UQCRB: variants seen among roughly 807,000 people sequenced by gnomAD.
UQCRB encodes the protein cytochrome b-c1 complex subunit 7.
A neutral mutation model predicts 19.8 loss-of-function variants in UQCRB; 12 were observed. The ratio of observed to expected loss-of-function variants is 0.61; its 90% confidence interval spans 0.39 to 0.98. The LOEUF is 0.98. Among genes scored for constraint, UQCRB ranks in the 50% least tolerant of loss-of-function variants. The pLI, the probability that UQCRB is intolerant of heterozygous loss-of-function variation, is 0.00. For missense variants in UQCRB, 142 were observed against 131.8 expected, an observed-to-expected ratio of 1.08 and a Z score of -0.38; for synonymous variants, 39 against 42.9, an observed-to-expected ratio of 0.91 and a Z score of 0.35.
At chr8:96,232,900 A>C (rs1456452202) in intron 2 of UQCRB, 1 of 393,092 alleles carries the variant, frequency 2.5e-6, no homozygotes, top group Non-Finnish European at 4.5e-6. Context: ...TGTAGAAGGA[A>C]AATGTCTTAC....
In UQCRB at chr8:96,227,581, C is replaced by A. The variant is rs1809554368; in HGVS notation, c.*3474G>T. On this transcript the variant is annotated 3_prime_UTR_variant, in exon 4 of 4. Coordinates refer to ENST00000287022, the MANE Select transcript of UQCRB (RefSeq NM_006294.5). ...ACCCATCTGCTCTTCATCCATCAAG[C>A]TGTCAAGGATTTGGTTATGACAATC... is the stretch of plus-strand genomic sequence containing the variant. The A allele has an allele frequency of 2.2e-6, 1 of 454,028 alleles. No individual in the cohort carries two copies. Among genetic ancestry groups the A allele is most frequent in the African/African-American group, 2.0e-5 (1 of 50,022 alleles). The allele number at this position is 454,028 out of a possible 1,614,324, so 28.1% of individuals were successfully genotyped here. A position where few individuals can be genotyped will look rare whatever the true frequency, so the allele number is the denominator to read the frequency against.
In UQCRB at chr8:96,228,482, A is replaced by T; in HGVS notation, c.*2573T>A. 1 of 454,112 alleles carries T rather than the reference A, an allele frequency of 2.2e-6. No individual in the cohort carries two copies. The highest frequency in any genetic ancestry group is 4.4e-6 in the Non-Finnish European group (1 of 226,794). The allele number at this position is 454,112 out of a possible 1,614,324, so 28.1% of individuals were successfully genotyped here. A position where few individuals can be genotyped will look rare whatever the true frequency, so the allele number is the denominator to read the frequency against. ...CAAGGGGAGTAGATGAACCAGAAAC[A>T]AGAGTGCCACATAGAAGGAAGAGAG... is the stretch of plus-strand genomic sequence containing the variant. On this transcript the variant is annotated 3_prime_UTR_variant, in exon 4 of 4. Transcript: ENST00000287022.
chr8:96,227,542 C>T lies in UQCRB; in HGVS notation c.*3513G>A, dbSNP rs1409239470. Reference sequence around the variant, plus strand: ...GTCCCTCCTAAAATCCATGCTTCCTCCCATACACCATAAACCCATCTGCTC... The same window carrying T: ...GTCCCTCCTAAAATCCATGCTTCCTTCCATACACCATAAACCCATCTGCTC... On this transcript the variant is annotated 3_prime_UTR_variant, in exon 4 of 4. Transcript: ENST00000287022. 2.2e-6 allele frequency: 1 copy of T among 454,028 alleles called. No homozygotes were observed. The highest frequency in any genetic ancestry group is 4.4e-6 in the Non-Finnish European group (1 of 226,794). 28.1% of individuals were successfully genotyped at this position (454,028 alleles called of 1,614,324 possible).
intron 1 of UQCRB, 26 bp from the exon 2 acceptor site, chr8:96,233,253 C>T (rs536955685): frequency 1.2e-5 from 20 of 1,609,274 alleles, no homozygotes; most frequent in Non-Finnish European, 1.6e-5. Flanking sequence ...CTGTTAATTG[C>T]TACAATTTAA....
rs1314159851 is a variant in UQCRB, at chr8:96,224,658, T to C, written c.*6397A>G. On this transcript the variant is annotated 3_prime_UTR_variant, in exon 4 of 4. Coordinates refer to ENST00000287022, the MANE Select transcript of UQCRB (RefSeq NM_006294.5). ...TTTACCCTTCCTCACATCCACCTCT[T>C]ACACATCTAACTGATATCCAGTCAG... 6.6e-6 allele frequency among the ~76,000 whole-genome samples: 1 copy of C among 152,150 alleles called. No homozygotes were observed. Among genetic ancestry groups the C allele is most frequent in the Admixed American group, 6.5e-5 (1 of 15,278 alleles).
rs575404879 is a variant in UQCRB, at chr8:96,229,632, T to C, written c.*1423A>G. ...ATCTTCTTGGCCTCCTTCTGCAAAG[T>C]AGGACTACATTAAAACCTTGTCACA... On this transcript the variant is annotated 3_prime_UTR_variant, in exon 4 of 4. Transcript: ENST00000287022. 4.3e-4 allele frequency: 197 copies of C among 454,100 alleles called. 1 individual carries two copies. The highest frequency in any genetic ancestry group is 3.8e-3 in the African/African-American group (191 of 50,112). The allele number at this position is 454,100 out of a possible 1,614,324, so 28.1% of individuals were successfully genotyped here.
intron 2 of UQCRB, chr8:96,232,146 T>A: frequency 1.7e-6 from 1 of 587,670 alleles, no homozygotes. Flanking sequence ...AAGTAATGAG[T>A]TATTACTTGA....
chr8:96,234,964 C>T (rs1276779154), intron 1 of UQCRB: 2 of 218,906 alleles, frequency 9.1e-6, no homozygotes, highest in Non-Finnish European at 1.9e-5. Context: ...GCTCGTATCC[C>T]TTGCTCAACT....
chr8:96,231,163 C>T (rs768886518), intron 3 of UQCRB, 31 bp from the exon 4 acceptor site: 24 of 1,613,940 alleles, frequency 1.5e-5, no homozygotes, highest in Non-Finnish European at 1.9e-5. Flanking sequence ...TATATGTTAC[C>T]ATCACGTACT....
In UQCRB at chr8:96,225,498, C is replaced by T. The variant is rs966353947; in HGVS notation, c.*5557G>A. ...ACTCTGCTGCTCACAGGATGAAGTCCAGGCATCTCAATATGGCGTACACCT... is the reference window on the plus strand; with the variant it reads ...ACTCTGCTGCTCACAGGATGAAGTCTAGGCATCTCAATATGGCGTACACCT... On this transcript the variant is annotated 3_prime_UTR_variant, in exon 4 of 4. Transcript: ENST00000287022. Among the ~76,000 whole-genome samples, 4 of 152,146 alleles carry T rather than the reference C, an allele frequency of 2.6e-5. No individual in the cohort carries two copies. Among genetic ancestry groups the T allele is most frequent in the African/African-American group, 9.7e-5 (4 of 41,440 alleles).
At chr8:96,233,100 A>C (rs1347345352) in intron 2 of UQCRB, 56 bp downstream of exon 2, 2 of 1,572,920 alleles carry the variant, frequency 1.3e-6, no homozygotes, top group Non-Finnish European at 1.7e-6. Context: ...AAAACAAAAA[A>C]AAAAACAAAG....
Position 96,233,137 on chromosome 8 carries a change from A to G in UQCRB, c.91+19T>C, listed in dbSNP as rs1380721964. On this transcript the variant is annotated intron_variant, in intron 2 of 3. Coordinates refer to ENST00000287022, the MANE Select transcript of UQCRB (RefSeq NM_006294.5). ...AACAACAACAACAACAAAAAACATTAAACAGCACAGCTGCTTACCCAGTTT... is the reference window on the plus strand; with the variant it reads ...AACAACAACAACAACAAAAAACATTGAACAGCACAGCTGCTTACCCAGTTT... 1.9e-6 allele frequency: 3 copies of G among 1,609,952 alleles called. No homozygotes were observed. In the South Asian group the frequency reaches 3.3e-5, roughly 18 times the overall value.
At position 96,223,649 on chromosome 8, in the gene UQCRB, C is replaced by G. The variant is rs997205470; in HGVS notation, c.*7406G>C. On this transcript the variant is annotated 3_prime_UTR_variant, in exon 4 of 4. Coordinates refer to ENST00000287022, the MANE Select transcript of UQCRB (RefSeq NM_006294.5). Reference sequence around the variant, plus strand: ...TCTTAAAGTAAAGCTAGAATTTAGACAGAGTATGGTGAGGATTGCAAGTGC... The same window carrying G: ...TCTTAAAGTAAAGCTAGAATTTAGAGAGAGTATGGTGAGGATTGCAAGTGC... Among the ~76,000 whole-genome samples, 806 of 151,922 alleles carry G rather than the reference C, an allele frequency of 5.3e-3. 6 individuals carry two copies. The highest frequency in any genetic ancestry group is 0.018 in the African/African-American group (748 of 41,424).
rs1348215297 is a variant in UQCRB at position 96,227,470 on chromosome 8, A to G, written c.*3585T>C. The G allele has an allele frequency of 2.2e-6, 1 of 454,100 alleles. No homozygotes were observed. Among genetic ancestry groups the G allele is most frequent in the Admixed American group, 2.3e-5 (1 of 42,572 alleles). 28.1% of individuals were successfully genotyped at this position (454,100 alleles called of 1,614,324 possible). A position where few individuals can be genotyped will look rare whatever the true frequency, so the allele number is the denominator to read the frequency against. On this transcript the variant is annotated 3_prime_UTR_variant, in exon 4 of 4. Coordinates refer to ENST00000287022, the MANE Select transcript of UQCRB (RefSeq NM_006294.5). ...ATAAAGGGATTTTCCTTGTTTTCCA[A>G]AGAGCAACCTGTCTTACTCACTTTC...
At position 96,231,921 on chromosome 8, in the gene UQCRB, T is replaced by G. The variant is rs1809686891; in HGVS notation, c.111A>C (p.Thr37=). Residue 37 remains threonine (T), a synonymous_variant, in exon 3 of 4, where the codon ACA becomes ACC. Coordinates refer to ENST00000287022, the MANE Select transcript of UQCRB (RefSeq NM_006294.5). ...CTTTTACATCTTCATCCTCGTATAT[T>G]GTATCATCTCGCATTAACCCTATGA... ...FNKLGLMRDD[T]IYEDEDVKEA... 6.2e-7 allele frequency: 1 copy of G among 1,613,448 alleles called. No homozygotes were observed. The highest frequency in any genetic ancestry group is 1.1e-5 in the South Asian group (1 of 91,094).
At chr8:96,231,592 T>A (rs1364410263) in intron 3 of UQCRB, 182 bp downstream of exon 3, 1 of 1,340,104 alleles carries the variant, frequency 7.5e-7, no homozygotes, top group South Asian at 1.2e-5. Context: ...GAAGAATCAT[T>A]TCACACGTAA....
In UQCRB at chr8:96,227,610, A is replaced by C. The variant is rs1176935336; in HGVS notation, c.*3445T>G. 4.4e-6 allele frequency: 2 copies of C among 454,102 alleles called. No homozygotes were observed. The highest frequency in any genetic ancestry group is 8.8e-6 in the Non-Finnish European group (2 of 226,790). The allele number at this position is 454,102 out of a possible 1,614,324, so 28.1% of individuals were successfully genotyped here. A position where few individuals can be genotyped will look rare whatever the true frequency, so the allele number is the denominator to read the frequency against. The stretch of plus-strand genomic sequence containing the variant: ...CAAGGATTTGGTTATGACAATCTTC[A>C]TGTTCACCTAACTTTTTAATTCCAA... On this transcript the variant is annotated 3_prime_UTR_variant, in exon 4 of 4. Coordinates refer to ENST00000287022, the MANE Select transcript of UQCRB (RefSeq NM_006294.5).
rs1424619687 is a variant in UQCRB, at chr8:96,226,123, C to T, written c.*4932G>A. The T allele has an allele frequency of 6.6e-6, 1 of 152,198 alleles. No individual in the cohort carries two copies. Among genetic ancestry groups the T allele is most frequent in the Admixed American group, 6.5e-5 (1 of 15,286 alleles). 9.4% of individuals were successfully genotyped at this position (152,198 alleles called of 1,614,324 possible). ...CAGTGACGAGGCTGCTATATTCTTC[C>T]TAGCTTCTGCCTAGCCTGGAACATA... On this transcript the variant is annotated 3_prime_UTR_variant, in exon 4 of 4. Coordinates refer to ENST00000287022, the MANE Select transcript of UQCRB (RefSeq NM_006294.5).
In UQCRB at chr8:96,230,704, G is replaced by A. The variant is rs1200768467; in HGVS notation, c.*351C>T. ...TCTCAATCTTGGCAAACTAGGGGGTGCATACCCCCTTCTTTTATTCAGTAG... is the reference window on the plus strand; with the variant it reads ...TCTCAATCTTGGCAAACTAGGGGGTACATACCCCCTTCTTTTATTCAGTAG... On this transcript the variant is annotated 3_prime_UTR_variant, in exon 4 of 4. Transcript: ENST00000287022. 4.2e-6 allele frequency: 2 copies of A among 480,866 alleles called. No individual in the cohort carries two copies. Among genetic ancestry groups the A allele is most frequent in the Non-Finnish European group, 8.2e-6 (2 of 244,906 alleles). The allele number at this position is 480,866 out of a possible 1,614,324, so 29.8% of individuals were successfully genotyped here.
Sources: gnomAD v4.1 joint callset for allele counts (sites outside exome capture counted in the v4.1 genomes callset) on GRCh38, gnomAD v4.1.1 for gene constraint, MANE v1.5 for transcripts, NCBI Gene and HGNC (gene_info 2026-07-23, HGNC 2026-07-21) for gene names.